The following NEXN variants were observed in gnomAD, a reference collection of about 807,000 sequenced individuals.
NEXN encodes the protein nexilin.
Under a neutral mutation model 92.6 loss-of-function variants are expected in NEXN, and 65 were observed. The observed-to-expected ratio is 0.70, with a 90% CI of 0.57 to 0.86. NEXN has a LOEUF of 0.86. Ranked by LOEUF, NEXN falls within the 40% of genes least tolerant of loss-of-function variation. The probability of loss-of-function intolerance (pLI) is 0.00; values close to 1 mark genes in which losing one functional copy is unlikely to be tolerated. For synonymous variants in NEXN, 254 were observed against 242.5 expected (o/e 1.05, Z -0.44); for missense variants, 778 against 771.1 (o/e 1.01, Z -0.11).
In NEXN at chr1:77,911,737, TTTTA is replaced by T. The variant is rs887626837; in HGVS notation, c.-52-4316_-52-4313del. ...TGGGTCCTATCCCCAAGATAGCCTG[TTTTA>T]TATATATATATATATATATACACAT... On this transcript the variant is annotated intron_variant, in intron 1 of 12. Transcript: ENST00000334785. 1.3e-4 allele frequency among the ~76,000 whole-genome samples: 8 copies of T among 63,980 alleles called. No individual in the cohort carries two copies. In the South Asian group the frequency reaches 3.4e-3, roughly 27 times the overall value. The allele number at this position is 63,980 out of a possible 152,430, so 42.0% of individuals were successfully genotyped here.
intron 1 of NEXN, among the ~76,000 whole-genome samples, chr1:77,907,032 A>G (rs113075447): frequency 0.015 from 2,232 of 152,298 alleles, 31 homozygotes; most frequent in Non-Finnish European, 0.018. Context: ...CTTGTTAACT[A>G]CTTGGCACAT....
At chr1:77,922,788 G>C (rs1033377362) in intron 5 of NEXN, among the ~76,000 whole-genome samples, 5 of 150,936 alleles carry the variant, frequency 3.3e-5, no homozygotes, top group Non-Finnish European at 5.9e-5. Flanking sequence ...GCAGAGGCGG[G>C]GTTTCACCAT....
At chr1:77,929,066 C>T (rs905891684) in intron 8 of NEXN, among the ~76,000 whole-genome samples, 6 of 152,130 alleles carry the variant, frequency 3.9e-5, no homozygotes, top group Non-Finnish European at 8.8e-5. Flanking sequence ...TTTTAATATT[C>T]AATTTTATCT....
intron 11 of NEXN, among the ~76,000 whole-genome samples, chr1:77,939,113 G>A (rs906807474): frequency 2.4e-4 from 36 of 152,176 alleles, no homozygotes; most frequent in African/African-American, 8.4e-4. Flanking sequence ...ACAAAACTAG[G>A]TTAGACTCTG....
At position 77,917,617 on chromosome 1, in the gene NEXN, G is replaced by A; in HGVS notation, c.79G>A (p.Gly27Ser). The change falls in exon 3 of 13, where the codon GGC (glycine) becomes AGC (serine). Residue 27 changes from glycine (G) to serine (S), a missense_variant. Gly to Ser is a moderately conservative substitution (Grantham distance 56). Transcript: ENST00000334785. ...PVPKTYVPKL[G>S]KGDVKDKFEA... The stretch of plus-strand genomic sequence containing the variant: ...CCCAAAAACCTATGTACCAAAACTT[G>A]GCAAGGGTGATGTAAAGGATAAGTT... 1.2e-6 allele frequency: 2 copies of A among 1,613,304 alleles called. No homozygotes were observed. The highest frequency in any genetic ancestry group is 1.7e-6 in the Non-Finnish European group (2 of 1,179,694).
intron 9 of NEXN, among the ~76,000 whole-genome samples, chr1:77,930,857 C>T (rs986862204): frequency 1.3e-5 from 2 of 152,182 alleles, no homozygotes; most frequent in Non-Finnish European, 2.9e-5. Context: ...TCTATCATAG[C>T]GCTAATCCTG....
At chr1:77,941,956 A>G (rs1182684562) in intron 11 of NEXN, 67 bp from the exon 12 acceptor site, 1 of 1,482,288 alleles carries the variant, frequency 6.7e-7, no homozygotes, top group East Asian at 2.4e-5. Flanking sequence ...AAACACCTTT[A>G]GAACTAGTAA....
intron 1 of NEXN, among the ~76,000 whole-genome samples, chr1:77,913,820 A>C (rs898875959): frequency 6.6e-6 from 1 of 152,226 alleles, no homozygotes; most frequent in Non-Finnish European, 1.5e-5. Context: ...ATAAACACCA[A>C]AACTTGGAAA....
intron 1 of NEXN, among the ~76,000 whole-genome samples, chr1:77,907,136 G>A (rs935277248): frequency 5.9e-5 from 9 of 152,162 alleles, no homozygotes; most frequent in East Asian, 3.8e-4. Flanking sequence ...ATGTATTAGT[G>A]AAATAGTGGG....
chr1:77,895,349 A>G (rs1028845457), intron 1 of NEXN, among the ~76,000 whole-genome samples: 1 of 151,868 alleles, frequency 6.6e-6, no homozygotes, highest in South Asian at 2.1e-4. Flanking sequence ...CCGGTCACCT[A>G]TAGTGTAATT....
intron 1 of NEXN, among the ~76,000 whole-genome samples, chr1:77,898,394 AAAAC>A (rs1324883920): frequency 6.6e-6 from 1 of 152,220 alleles, no homozygotes; most frequent in Admixed American, 6.5e-5. Context: ...AAACCTGAGA[AAAAC>A]AAGCAATGGG....
At chr1:77,901,422 T>C (rs1291940660) in intron 1 of NEXN, among the ~76,000 whole-genome samples, 1 of 152,154 alleles carries the variant, frequency 6.6e-6, no homozygotes, top group East Asian at 1.9e-4. Flanking sequence ...GAATATTTTG[T>C]TTTAATTTCT....
At chr1:77,924,367 A>AC (rs1256813306) in intron 5 of NEXN, 1 of 151,874 alleles carries the variant, frequency 6.6e-6, no homozygotes, top group Non-Finnish European at 1.5e-5. Flanking sequence ...ATCTCAAAAA[A>AC]AAAAATAAAC....
At position 77,918,012 on chromosome 1, in the gene NEXN, A is replaced by G. The variant is rs780750460; in HGVS notation, c.272A>G (p.Glu91Gly). The G allele has an allele frequency of 6.2e-7, 1 of 1,613,670 alleles. No individual in the cohort carries two copies. The highest frequency in any genetic ancestry group is 1.1e-5 in the South Asian group (1 of 91,070). Residue 91 changes from glutamate (E) to glycine (G), a missense_variant, in exon 4 of 13, where the codon GAA becomes GGA. This residue lies in a region of NEXN where 236 missense variants were observed against 265.6 expected (regional missense o/e 0.89). Coordinates refer to ENST00000334785, the MANE Select transcript of NEXN (RefSeq NM_144573.4). Reference sequence around the variant, plus strand: ...GAGGAAGATGTATCTTCTAAAGTAGAAAAGGCTTATGTTCCAAAATTAACA... The same window carrying G: ...GAGGAAGATGTATCTTCTAAAGTAGGAAAGGCTTATGTTCCAAAATTAACA... ...DDEEDVSSKV[E>G]KAYVPKLTGT...
intron 1 of NEXN, among the ~76,000 whole-genome samples, chr1:77,913,814 A>G (rs1648760044): frequency 6.6e-6 from 1 of 152,210 alleles, no homozygotes; most frequent in South Asian, 2.1e-4. Context: ...TTATTCATAA[A>G]CACCAAAACT....
At chr1:77,904,917 C>G (rs576494489) in intron 1 of NEXN, among the ~76,000 whole-genome samples, 2 of 152,264 alleles carry the variant, frequency 1.3e-5, no homozygotes, top group African/African-American at 4.8e-5. Context: ...TCTGTGTGTT[C>G]AGTGTTATAT....
intron 8 of NEXN, among the ~76,000 whole-genome samples, chr1:77,927,727 C>G (rs1649976800): frequency 2.0e-5 from 3 of 151,818 alleles, no homozygotes; most frequent in African/African-American, 7.3e-5. Flanking sequence ...CTGTTTTAAT[C>G]TCTCGCTGTG....
At chr1:77,928,971 T>A (rs1650079621) in intron 8 of NEXN, among the ~76,000 whole-genome samples, 1 of 152,202 alleles carries the variant, frequency 6.6e-6, no homozygotes, top group Non-Finnish European at 1.5e-5. Flanking sequence ...AGGCTGGTCT[T>A]GAACTCCTGG....
Position 77,935,979 on chromosome 1 carries a change from G to T in NEXN, c.1408G>T (p.Glu470Ter). The T allele has an allele frequency of 1.2e-6, 2 of 1,613,958 alleles. No individual in the cohort carries two copies. Among genetic ancestry groups the T allele is most frequent in the South Asian group, 2.2e-5 (2 of 90,988 alleles). ...EKEIQKKIEEERARRRAIDLE... is the reference protein window; with the variant it reads ...EKEIQKKIEE ...AGAAATACAGAAAAAAATAGAAGAAGAGCGAGCAAGAAGGAGAGCAATTGA... is the reference window on the plus strand; with the variant it reads ...AGAAATACAGAAAAAAATAGAAGAATAGCGAGCAAGAAGGAGAGCAATTGA... Residue 470 changes from glutamate (E) to a stop codon, truncating the protein, a stop_gained, in exon 11 of 13, where the codon GAG (glutamate) becomes TAG (stop). Coordinates refer to ENST00000334785, the MANE Select transcript of NEXN (RefSeq NM_144573.4). LOFTEE classifies it high-confidence loss of function.
Sources: gnomAD v4.1 joint callset for allele counts (sites outside exome capture counted in the v4.1 genomes callset) on GRCh38, gnomAD v4.1.1 for gene constraint, gnomAD v4.1.1 regional missense constraint, MANE v1.5 for transcripts, NCBI Gene and HGNC (gene_info 2026-07-23, HGNC 2026-07-21) for gene names.